Variants in EXOC4 observed in about 807,000 individuals in gnomAD.
EXOC4 encodes the protein exocyst complex component 4, also known as SEC8-like 1.
Under a neutral mutation model 107.2 loss-of-function variants are expected in EXOC4, and 71 were observed. The ratio of observed to expected loss-of-function variants is 0.66; its 90% confidence interval spans 0.55 to 0.81. The LOEUF is 0.81. Among genes scored for constraint, EXOC4 ranks in the 30% least tolerant of loss-of-function variants. The pLI is 0.00. For synonymous variants in EXOC4, 456 were observed against 441.2 expected, an observed-to-expected ratio of 1.03 and a Z score of -0.42; for missense variants, 1,108 against 1,189.6, an observed-to-expected ratio of 0.93 and a Z score of 1.01.
At chr7:133,717,758 A>C (rs952028819) in intron 10 of EXOC4, among the ~76,000 whole-genome samples, 3 of 152,234 alleles carry the variant, frequency 2.0e-5, no homozygotes, top group African/African-American at 7.2e-5. Context: ...AAGTTACTAA[A>C]TATAAGGCTC....
chr7:133,787,475 GGTGGTA>G (rs1796599340), intron 10 of EXOC4, among the ~76,000 whole-genome samples: 1 of 151,490 alleles, frequency 6.6e-6, no homozygotes, highest in South Asian at 2.1e-4. Flanking sequence ...TCAACATATA[GGTGGTA>G]GTGCTTTATA....
At chr7:133,271,811 A>C (rs1049457918) in intron 1 of EXOC4, among the ~76,000 whole-genome samples, 1 of 152,180 alleles carries the variant, frequency 6.6e-6, no homozygotes, top group African/African-American at 2.4e-5. Flanking sequence ...GTCTTCTGCC[A>C]GCACCTGTGA....
At chr7:133,974,399 A>T (rs1793781340) in intron 14 of EXOC4, among the ~76,000 whole-genome samples, 1 of 152,254 alleles carries the variant, frequency 6.6e-6, no homozygotes, top group Non-Finnish European at 1.5e-5. Flanking sequence ...AATTCTAAAT[A>T]CAAACAACTA....
intron 14 of EXOC4, among the ~76,000 whole-genome samples, chr7:133,967,711 G>A (rs551988806): frequency 1.2e-4 from 18 of 152,188 alleles, no homozygotes; most frequent in South Asian, 4.1e-4. Context: ...TATGATTTCC[G>A]TTCTTTTGCA....
intron 10 of EXOC4, among the ~76,000 whole-genome samples, chr7:133,675,234 G>A (rs1020178535): frequency 6.6e-5 from 10 of 152,010 alleles, no homozygotes; most frequent in Non-Finnish European, 1.5e-4. Context: ...TTTTCAAGGC[G>A]ACCCCAGCTG....
intron 7 of EXOC4, among the ~76,000 whole-genome samples, chr7:133,420,186 G>T (rs941021584): frequency 7.4e-6 from 1 of 134,748 alleles, no homozygotes; most frequent in East Asian, 2.1e-4. Context: ...TGATCTCATT[G>T]TTCAATTCCC....
At chr7:133,361,680 A>T (rs753574163) in intron 6 of EXOC4, among the ~76,000 whole-genome samples, 2 of 152,180 alleles carry the variant, frequency 1.3e-5, no homozygotes, top group African/African-American at 4.8e-5. Context: ...ATCCTTGCCA[A>T]TCTGAGAGGT....
intron 17 of EXOC4, among the ~76,000 whole-genome samples, chr7:134,051,502 C>A (rs1795786397): frequency 6.7e-6 from 1 of 149,684 alleles, no homozygotes; most frequent in African/African-American, 2.5e-5. Context: ...GAAACCCTGT[C>A]TCTACTAAAA....
intron 7 of EXOC4, among the ~76,000 whole-genome samples, chr7:133,424,173 C>T (rs1797669639): frequency 2.0e-5 from 3 of 152,160 alleles, no homozygotes; most frequent in African/African-American, 4.8e-5. Flanking sequence ...GGTGGGGTCA[C>T]CTTCCACGCT....
intron 2 of EXOC4, among the ~76,000 whole-genome samples, chr7:133,278,340 C>T (rs1381206081): frequency 1.3e-5 from 2 of 152,162 alleles, no homozygotes; most frequent in Admixed American, 6.5e-5. Flanking sequence ...GGGAGACAGA[C>T]TACAGACTAT....
chr7:133,529,842 T>C lies in EXOC4; in HGVS notation c.1417+49704T>C, dbSNP rs979203363. 2.7e-4 allele frequency among the ~76,000 whole-genome samples: 41 copies of C among 152,164 alleles called. 1 individual carries two copies. The highest frequency in any genetic ancestry group is 8.9e-4 in the African/African-American group (37 of 41,438). ...GTCATCATTTTTCTATTCGGAGAGT[T>C]ATTCAGGCTTTACAAATGAAATAGG... On this transcript the variant is annotated intron_variant, in intron 9 of 17. Transcript: ENST00000253861.
chr7:133,994,870 T>C (rs1794351617), intron 14 of EXOC4, among the ~76,000 whole-genome samples: 1 of 152,148 alleles, frequency 6.6e-6, no homozygotes, highest in Non-Finnish European at 1.5e-5. Flanking sequence ...CATTTGACAT[T>C]GAAGAGCTAG....
At chr7:133,429,592 A>C (rs1243758614) in intron 7 of EXOC4, among the ~76,000 whole-genome samples, 2 of 152,274 alleles carry the variant, frequency 1.3e-5, no homozygotes, top group South Asian at 4.2e-4. Context: ...ATCACTCACC[A>C]TTAGCAGTCA....
At chr7:133,900,380 G>T (rs1799424638) in intron 12 of EXOC4, among the ~76,000 whole-genome samples, 1 of 152,124 alleles carries the variant, frequency 6.6e-6, no homozygotes, top group African/African-American at 2.4e-5. Context: ...TATGAACTAG[G>T]CTTTGTGAAG....
chr7:133,911,780 C>T (rs1235110331), intron 12 of EXOC4, among the ~76,000 whole-genome samples: 6 of 152,162 alleles, frequency 3.9e-5, no homozygotes, highest in Admixed American at 6.5e-5. Context: ...AGCATGGATG[C>T]GCTCAAAGAC....
At chr7:134,025,882 A>G (rs951966182) in intron 17 of EXOC4, among the ~76,000 whole-genome samples, 1 of 152,116 alleles carries the variant, frequency 6.6e-6, no homozygotes, top group African/African-American at 2.4e-5. Flanking sequence ...CCCAGATTTA[A>G]TGTAGGAGAG....
At chr7:133,707,307 C>T (rs1409134807) in intron 10 of EXOC4, among the ~76,000 whole-genome samples, 1 of 152,018 alleles carries the variant, frequency 6.6e-6, no homozygotes, top group Admixed American at 6.6e-5. Flanking sequence ...CACTGGAACC[C>T]AGGAGGTGGA....
intron 11 of EXOC4, among the ~76,000 whole-genome samples, chr7:133,845,685 C>G (rs1419600632): frequency 6.6e-6 from 1 of 152,060 alleles, no homozygotes; most frequent in Non-Finnish European, 1.5e-5. Context: ...TATCTTGATA[C>G]CTGCTCAGAA....
intron 9 of EXOC4, among the ~76,000 whole-genome samples, chr7:133,579,704 T>C (rs933997978): frequency 1.4e-5 from 2 of 141,698 alleles, no homozygotes; most frequent in Non-Finnish European, 3.1e-5. Context: ...TTTTTTTTTC[T>C]TGAGATGGAG....
Sources: allele counts gnomAD v4.1 joint callset (sites outside exome capture counted in the v4.1 genomes callset), GRCh38; gene constraint gnomAD v4.1.1; transcripts MANE v1.5; gene names NCBI Gene and HGNC (gene_info 2026-07-23, HGNC 2026-07-21).